The following ZC3H8 variants were observed in gnomAD, a reference collection of about 807,000 sequenced individuals.
ZC3H8 encodes the protein zinc finger CCCH-type containing 8, also known as zinc finger CCCH domain-containing protein 8.
ZC3H8 carries 27 observed loss-of-function variants against 42.5 expected under a neutral mutation model. That is an observed-to-expected ratio of 0.64 (90% CI 0.47 to 0.88). ZC3H8 has a LOEUF of 0.88. Ranked by LOEUF, ZC3H8 falls within the 40% of genes least tolerant of loss-of-function variation. ZC3H8 has a pLI of 0.00. For missense variants in ZC3H8, 277 were observed against 336.1 expected (o/e 0.82, Z 1.37); for synonymous variants, 101 against 110.1 (o/e 0.92, Z 0.52).
intron 8 of ZC3H8, among the ~76,000 whole-genome samples, chr2:112,221,734 T>C (rs963844178): frequency 6.6e-6 from 1 of 152,152 alleles, no homozygotes; most frequent in Admixed American, 6.5e-5. Context: ...TTCTTTCTTA[T>C]AATGGTCATT....
At chr2:112,249,569 T>C (rs1321101162) in intron 2 of ZC3H8, among the ~76,000 whole-genome samples, 3 of 152,074 alleles carry the variant, frequency 2.0e-5, no homozygotes, top group Non-Finnish European at 4.4e-5. Flanking sequence ...TCAGCCTCCC[T>C]AGTAGCTGGG....
chr2:112,245,569 G>A (rs913490009), intron 2 of ZC3H8, among the ~76,000 whole-genome samples: 1 of 152,170 alleles, frequency 6.6e-6, no homozygotes, highest in Admixed American at 6.5e-5. Context: ...CAGGAGAATC[G>A]CTTGAACCCA....
Position 112,236,543 on chromosome 2 carries a change from G to T in ZC3H8, c.504+19C>A, listed in dbSNP as rs767260720. ...AGCATGCAGGGGTCAGGTATTCCTAGAAGCATATATTCCAATACCTCTTCC... is the reference window on the plus strand; with the variant it reads ...AGCATGCAGGGGTCAGGTATTCCTATAAGCATATATTCCAATACCTCTTCC... On this transcript the variant is annotated intron_variant, in intron 4 of 8. Coordinates refer to ENST00000409573, the MANE Select transcript of ZC3H8 (RefSeq NM_032494.3). 1.2e-6 allele frequency: 2 copies of T among 1,609,228 alleles called. No individual in the cohort carries two copies. Among genetic ancestry groups the T allele is most frequent in the Non-Finnish European group, 1.7e-6 (2 of 1,178,544 alleles).
intron 5 of ZC3H8, 95 bp from the exon 6 acceptor site, chr2:112,233,466 C>T: frequency 3.8e-6 from 3 of 796,814 alleles, no homozygotes; most frequent in Non-Finnish European, 6.1e-6. Flanking sequence ...GCAAATGATT[C>T]CAGAAAGAAC....
rs1367122481 is a variant in ZC3H8 at position 112,212,212 on chromosome 2, T to C, written c.*4272A>G. 6.6e-6 allele frequency: 1 copy of C among 152,242 alleles called. No individual in the cohort carries two copies. The highest frequency in any genetic ancestry group is 1.5e-5 in the Non-Finnish European group (1 of 68,070). The allele number at this position is 152,242 out of a possible 1,614,324, so 9.4% of individuals were successfully genotyped here. A position where few individuals can be genotyped will look rare whatever the true frequency, so the allele number is the denominator to read the frequency against. On this transcript the variant is annotated 3_prime_UTR_variant, in exon 9 of 9. Coordinates refer to ENST00000409573, the MANE Select transcript of ZC3H8 (RefSeq NM_032494.3). ...GGAGACAGCTCCCCAGGGCCTCTTTTATAAGGGCACTAATCCCATTCATGA... is the reference window on the plus strand; with the variant it reads ...GGAGACAGCTCCCCAGGGCCTCTTTCATAAGGGCACTAATCCCATTCATGA...
intron 8 of ZC3H8, among the ~76,000 whole-genome samples, chr2:112,218,930 AAC>A (rs1684458944): frequency 6.6e-6 from 1 of 152,316 alleles, no homozygotes; most frequent in East Asian, 1.9e-4. Context: ...GAAACTATAA[AAC>A]ACTGCTGAAA....
At position 112,229,313 on chromosome 2, in the gene ZC3H8, T is replaced by G. The variant is rs575007577; in HGVS notation, c.*15+1590A>C. Among the ~76,000 whole-genome samples the G allele has an allele frequency of 7.9e-5, 12 of 152,252 alleles. 1 individual carries two copies. The South Asian group carries it at 2.5e-3, about 32-fold the overall frequency. Reference sequence around the variant, plus strand: ...TCTATCTGATACCATTTTAAAAAAGTCTATTAGTATTATTTTTTCTTTTCT... The same window carrying G: ...TCTATCTGATACCATTTTAAAAAAGGCTATTAGTATTATTTTTTCTTTTCT... On this transcript the variant is annotated intron_variant, in intron 8 of 8. Coordinates refer to ENST00000409573, the MANE Select transcript of ZC3H8 (RefSeq NM_032494.3).
chr2:112,242,438 C>T (rs1685616969), intron 2 of ZC3H8, among the ~76,000 whole-genome samples: 1 of 152,172 alleles, frequency 6.6e-6, no homozygotes, highest in Non-Finnish European at 1.5e-5. Flanking sequence ...TGCAAGAGAC[C>T]TTCATGGCAT....
At chr2:112,235,988 C>G (rs968091182) in intron 4 of ZC3H8, among the ~76,000 whole-genome samples, 1 of 151,066 alleles carries the variant, frequency 6.6e-6, no homozygotes, top group African/African-American at 2.4e-5. Flanking sequence ...TGGCTCATGC[C>G]TGTAATCCCA....
intron 7 of ZC3H8, among the ~76,000 whole-genome samples, chr2:112,231,503 T>G (rs1270384665): frequency 6.6e-6 from 1 of 152,192 alleles, no homozygotes; most frequent in Non-Finnish European, 1.5e-5. Context: ...CCGTAACTTG[T>G]AACTTTCCTT....
intron 8 of ZC3H8, among the ~76,000 whole-genome samples, chr2:112,221,890 A>AC (rs1684604441): frequency 6.6e-6 from 1 of 152,150 alleles, no homozygotes; most frequent in Non-Finnish European, 1.5e-5. Context: ...CTGGTTAATA[A>AC]CCATTGCTAG....
rs779216713 is a variant in ZC3H8 at position 112,236,569 on chromosome 2, T to C, written c.497A>G (p.Gln166Arg). Residue 166 changes from glutamine to arginine, a missense_variant, in exon 4 of 9, where the codon CAG becomes CGG. Coordinates refer to ENST00000409573, the MANE Select transcript of ZC3H8 (RefSeq NM_032494.3). The part of the protein sequence containing the change: ...SNALLRNSGS[Q>R]EEDGKPKEKQ... ...AAGCATATATTCCAATACCTCTTCC[T>C]GTGAGCCGCTGTTCCTCAGCAAAGC... The C allele has an allele frequency of 1.2e-6, 2 of 1,613,264 alleles. No individual in the cohort carries two copies. Among genetic ancestry groups the C allele is most frequent in the South Asian group, 2.2e-5 (2 of 90,854 alleles).
chr2:112,216,008 TA>T lies in ZC3H8; in HGVS notation c.*475del, dbSNP rs1684305963. On this transcript the variant is annotated 3_prime_UTR_variant, in exon 9 of 9. Coordinates refer to ENST00000409573, the MANE Select transcript of ZC3H8 (RefSeq NM_032494.3). ...GCCCTAAAATGAAATTGTGAACCAT[TA>T]AAAATATGTTGTAAAACTATTTAAT... The T allele has an allele frequency of 6.6e-6, 1 of 152,148 alleles. No individual in the cohort carries two copies. Among genetic ancestry groups the T allele is most frequent in the South Asian group, 2.1e-4 (1 of 4,830 alleles). 9.4% of individuals were successfully genotyped at this position (152,148 alleles called of 1,614,324 possible). A position where few individuals can be genotyped will look rare whatever the true frequency, so the allele number is the denominator to read the frequency against.
intron 8 of ZC3H8, among the ~76,000 whole-genome samples, chr2:112,217,616 T>C (rs1293237686): frequency 6.6e-6 from 1 of 152,236 alleles, no homozygotes; most frequent in African/African-American, 2.4e-5. Context: ...CATTATATAG[T>C]AGAGTGTTTT....
At chr2:112,217,090 C>G (rs1245351046) in intron 8 of ZC3H8, among the ~76,000 whole-genome samples, 1 of 152,054 alleles carries the variant, frequency 6.6e-6, no homozygotes, top group Non-Finnish European at 1.5e-5. Context: ...AAAAACAGAC[C>G]AGGCGCGGTG....
intron 1 of ZC3H8, among the ~76,000 whole-genome samples, chr2:112,252,186 A>G (rs944557082): frequency 6.6e-6 from 1 of 152,346 alleles, no homozygotes; most frequent in Middle Eastern, 3.4e-3. Flanking sequence ...CCTAGTCAAC[A>G]TAACCACCTG....
chr2:112,236,854 C>A (rs1348231922), intron 3 of ZC3H8, among the ~76,000 whole-genome samples, 159 bp from the exon 4 acceptor site: 4 of 152,086 alleles, frequency 2.6e-5, no homozygotes, highest in African/African-American at 9.7e-5. Flanking sequence ...CAAGGCCAGC[C>A]TAAGTGTTCA....
chr2:112,246,872 A>C (rs11900153), intron 2 of ZC3H8, among the ~76,000 whole-genome samples: 48,887 of 152,102 alleles, frequency 0.32, 8,207 homozygotes, highest in African/African-American at 0.41. Context: ...ACAGAGAAAT[A>C]TTTTGTAAAA....
chr2:112,236,823 G>C, intron 3 of ZC3H8, 128 bp from the exon 4 acceptor site: 1 of 875,136 alleles, frequency 1.1e-6, no homozygotes, highest in Non-Finnish European at 1.7e-6. Context: ...GAGGCAGGAG[G>C]ACTGCTCAAA....
Sources: allele counts gnomAD v4.1 joint callset (sites outside exome capture counted in the v4.1 genomes callset), GRCh38; gene constraint gnomAD v4.1.1; transcripts MANE v1.5; gene names NCBI Gene and HGNC (gene_info 2026-07-23, HGNC 2026-07-21).